The following BRSK2 variants were observed in gnomAD, a reference collection of about 807,000 sequenced individuals.
BRSK2 encodes the protein serine/threonine-protein kinase BRSK2.
BRSK2 carries 19 observed loss-of-function variants against 83.3 expected under a neutral mutation model. That is an observed-to-expected ratio of 0.23 (90% CI 0.16 to 0.33). BRSK2 has a LOEUF of 0.33. Among genes scored for constraint, BRSK2 ranks in the 10% least tolerant of loss-of-function variants. The probability of loss-of-function intolerance (pLI) is 1.00; values close to 1 mark genes in which losing one functional copy is unlikely to be tolerated. For missense variants in BRSK2, 798 were observed against 1,042.3 expected, an observed-to-expected ratio of 0.77 and a Z score of 3.23; for synonymous variants, 519 against 435.4, an observed-to-expected ratio of 1.19 and a Z score of -2.39.
At chr11:1,455,403 G>A (rs1590690709) in intron 16 of BRSK2, among the ~76,000 whole-genome samples, 1 of 150,016 alleles carries the variant, frequency 6.7e-6, no homozygotes, top group South Asian at 2.2e-4. Flanking sequence ...TGGCCCCAGG[G>A]TCTTGGCAAG....
At chr11:1,401,405 A>G (rs1381591264) in intron 1 of BRSK2, among the ~76,000 whole-genome samples, 1 of 152,112 alleles carries the variant, frequency 6.6e-6, no homozygotes, top group Non-Finnish European at 1.5e-5. Flanking sequence ...GATTGTCACA[A>G]CCTGGAAGAA....
At chr11:1,424,334 A>G (rs568186692) in intron 1 of BRSK2, among the ~76,000 whole-genome samples, 4 of 152,282 alleles carry the variant, frequency 2.6e-5, no homozygotes, top group African/African-American at 9.6e-5. Flanking sequence ...GTGCCCCAGC[A>G]CTGGGTGGGT....
At chr11:1,426,343 C>T (rs548554658) in intron 1 of BRSK2, among the ~76,000 whole-genome samples, 36 of 151,726 alleles carry the variant, frequency 2.4e-4, no homozygotes, top group Non-Finnish European at 3.4e-4. Flanking sequence ...GCTCTGCTGG[C>T]GACTGGGCTT....
intron 1 of BRSK2, among the ~76,000 whole-genome samples, chr11:1,408,528 A>C (rs959935763): frequency 6.6e-6 from 1 of 152,180 alleles, no homozygotes. Context: ...GAGACACCTG[A>C]GTGCTATGGC....
intron 15 of BRSK2, among the ~76,000 whole-genome samples, chr11:1,451,872 G>A (rs1398755603): frequency 1.3e-5 from 2 of 152,174 alleles, no homozygotes; most frequent in Non-Finnish European, 2.9e-5. Flanking sequence ...TGAGCCGTGA[G>A]AGGTGCCACT....
intron 1 of BRSK2, among the ~76,000 whole-genome samples, chr11:1,395,762 C>T (rs371279213): frequency 2.8e-4 from 43 of 152,338 alleles, no homozygotes; most frequent in Middle Eastern, 6.8e-3. Flanking sequence ...GAGGTGCGTG[C>T]ACGCCGTGGA....
intron 12 of BRSK2, chr11:1,447,968 A>G (rs903212219): frequency 6.0e-6 from 7 of 1,159,398 alleles, no homozygotes; most frequent in Non-Finnish European, 8.7e-6. Context: ...GCTGGGCTGC[A>G]GGGCTCCTGC....
chr11:1,448,601 G>T (rs529875479), intron 12 of BRSK2, among the ~76,000 whole-genome samples: 1 of 152,156 alleles, frequency 6.6e-6, no homozygotes. Flanking sequence ...AGCTCTGGGC[G>T]GGCTCGACAG....
At chr11:1,405,016 TGG>T (rs368619958) in intron 1 of BRSK2, among the ~76,000 whole-genome samples, 9 of 43,542 alleles carry the variant, frequency 2.1e-4, no homozygotes, top group East Asian at 8.4e-4. Flanking sequence ...GGGGTGGGGG[TGG>T]CTCTCTGAGG....
intron 1 of BRSK2, among the ~76,000 whole-genome samples, chr11:1,429,323 G>A (rs555024752): frequency 4.3e-4 from 49 of 113,928 alleles, no homozygotes; most frequent in South Asian, 2.0e-3. Flanking sequence ...GTGCGTGTGC[G>A]CACAGGTGTG....
intron 18 of BRSK2, among the ~76,000 whole-genome samples, chr11:1,457,610 G>T (rs1846768090): frequency 6.6e-6 from 1 of 152,162 alleles, no homozygotes; most frequent in Admixed American, 6.5e-5. Flanking sequence ...ACGGCGTGGG[G>T]GCGCTGGGCG....
intron 1 of BRSK2, among the ~76,000 whole-genome samples, chr11:1,424,665 G>A (rs1023018385): frequency 4.6e-5 from 7 of 152,152 alleles, no homozygotes; most frequent in East Asian, 1.9e-4. Flanking sequence ...CATTCCTCCC[G>A]TGCTTCACCC....
chr11:1,436,136 TGGGTGGGGCCG>T lies in BRSK2; in HGVS notation c.186+6_186+16del. The T allele has an allele frequency of 1.8e-6, 1 of 568,502 alleles. No homozygotes were observed. Among genetic ancestry groups the T allele is most frequent in the Non-Finnish European group, 2.2e-6 (1 of 446,946 alleles). The allele number at this position is 568,502 out of a possible 1,614,324, so 35.2% of individuals were successfully genotyped here. Reference sequence around the variant, plus strand: ...CTCAGCGAGTCGGTGCTGATGAAGGTGGGTGGGGCCGGGGAGGGAGGCGGGGCCGGCGGTGG... The same window carrying T: ...CTCAGCGAGTCGGTGCTGATGAAGGTGGGAGGGAGGCGGGGCCGGCGGTGG... On this transcript the variant is annotated splice_donor_5th_base_variant and intron_variant, in intron 2 of 19. Coordinates refer to ENST00000528841, the MANE Select transcript of BRSK2 (RefSeq NM_001256627.2).
At position 1,460,846 on chromosome 11, in the gene BRSK2, G is replaced by A; in HGVS notation, c.*123G>A. ...CCGTCCAGACTGTTCTCAGAGCCTG[G>A]GAGGAAAGGAAAGGGGCGTTGGGGC... On this transcript the variant is annotated 3_prime_UTR_variant, in exon 20 of 20. Transcript: ENST00000528841. The A allele has an allele frequency of 1.3e-6, 2 of 1,548,288 alleles. No homozygotes were observed. Among genetic ancestry groups the A allele is most frequent in the Non-Finnish European group, 1.7e-6 (2 of 1,149,992 alleles).
At position 1,450,641 on chromosome 11, in the gene BRSK2, C is replaced by T. The variant is rs748854665; in HGVS notation, c.1342C>T (p.Pro448Ser). ...TCCCCTCCCCACCCCCAAGGGGACA[C>T]CTGTCCACACGCCAAAGGAGAGCCC... ...GSPLPTPKGT[P>S]VHTPKESPAG... is the part of the protein sequence containing the mutation. The change falls in exon 14 of 20, where the codon CCT becomes TCT. Residue 448 changes from proline (P) to serine (S), a missense_variant. Physicochemically the swap from Pro to Ser is moderately conservative, Grantham distance 74. Coordinates refer to ENST00000528841, the MANE Select transcript of BRSK2 (RefSeq NM_001256627.2). The T allele has an allele frequency of 6.2e-7, 1 of 1,608,094 alleles. No homozygotes were observed. The highest frequency in any genetic ancestry group is 1.1e-5 in the South Asian group (1 of 90,540).
At chr11:1,417,190 C>A (rs1464749813) in intron 1 of BRSK2, among the ~76,000 whole-genome samples, 1 of 152,064 alleles carries the variant, frequency 6.6e-6, no homozygotes, top group African/African-American at 2.4e-5. Flanking sequence ...GCGCCCTTTT[C>A]CCTATTTGCT....
chr11:1,407,674 A>G (rs1846986360), intron 1 of BRSK2, among the ~76,000 whole-genome samples: 1 of 152,212 alleles, frequency 6.6e-6, no homozygotes, highest in African/African-American at 2.4e-5. Context: ...ATCACCAAAT[A>G]GTTACAGGAT....
At chr11:1,393,866 C>A (rs9737139) in intron 1 of BRSK2, among the ~76,000 whole-genome samples, 1 of 151,632 alleles carries the variant, frequency 6.6e-6, no homozygotes, top group Admixed American at 6.6e-5. Flanking sequence ...TGGAGATGGG[C>A]CATGGAGATG....
intron 1 of BRSK2, among the ~76,000 whole-genome samples, chr11:1,399,592 C>T (rs566847070): frequency 5.9e-5 from 9 of 152,074 alleles, no homozygotes; most frequent in South Asian, 4.2e-4. Flanking sequence ...CACAGTCCCT[C>T]GGGGCTCAAA....
Sources: allele counts gnomAD v4.1 joint callset (sites outside exome capture counted in the v4.1 genomes callset), GRCh38; gene constraint gnomAD v4.1.1; transcripts MANE v1.5; gene names NCBI Gene and HGNC (gene_info 2026-07-23, HGNC 2026-07-21).